Variants in NPTN observed in about 807,000 individuals in gnomAD.
NPTN encodes the protein SDR-1.
In NPTN, 5 loss-of-function variants were observed where a neutral mutation model predicts 42.7. The ratio of observed to expected loss-of-function variants is 0.12; its 90% CI spans 0.06 to 0.25. The LOEUF (loss-of-function observed/expected upper bound fraction) is 0.25, where lower values mean the gene tolerates loss of function less well. Among genes scored for constraint, NPTN ranks in the 10% least tolerant of loss-of-function variants. The pLI is 1.00. For missense variants in NPTN, 307 were observed against 525.4 expected (o/e 0.58, Z 4.06); for synonymous variants, 180 against 201.9 (o/e 0.89, Z 0.92).
At chr15:73,567,200 G>C (rs920516928) in intron 6 of NPTN, 86 of 984,902 alleles carry the variant, frequency 8.7e-5, no homozygotes, top group Non-Finnish European at 1.0e-4. Context: ...AGAACTCACA[G>C]ACTGCCCAAA....
In NPTN at chr15:73,621,099, T is replaced by C. The variant is rs189639890; in HGVS notation, c.91+12026A>G. ...ATTTGCTATAAAAAGTTAACACAGA[T>C]AGACATCTGATTTCACTTTCAGTCA... is the stretch of plus-strand genomic sequence containing the variant. On this transcript the variant is annotated intron_variant, in intron 1 of 8. Transcript: ENST00000345330. 3.9e-5 allele frequency among the ~76,000 whole-genome samples: 6 copies of C among 152,172 alleles called. No individual in the cohort carries two copies. The East Asian group carries it at 5.8e-4, about 15-fold the overall frequency.
chr15:73,585,282 T>C (rs1896262532), intron 4 of NPTN, among the ~76,000 whole-genome samples: 1 of 152,210 alleles, frequency 6.6e-6, no homozygotes, highest in South Asian at 2.1e-4. Context: ...AACCACCTCT[T>C]AACTCTCTAT....
intron 3 of NPTN, among the ~76,000 whole-genome samples, chr15:73,591,410 C>A (rs2087524375): frequency 1.3e-5 from 2 of 152,206 alleles, no homozygotes; most frequent in South Asian, 4.1e-4. Flanking sequence ...CTCTAGCCAG[C>A]AAATATCCTT....
chr15:73,616,407 G>T lies in NPTN; in HGVS notation c.91+16718C>A, dbSNP rs138598475. Among the ~76,000 whole-genome samples, 16 of 152,194 alleles carry T rather than the reference G, an allele frequency of 1.1e-4. No individual in the cohort carries two copies. In the East Asian group the frequency reaches 3.1e-3, roughly 29 times the overall value. On this transcript the variant is annotated intron_variant, in intron 1 of 8. Transcript: ENST00000345330. ...AACAACAAACTTTCTGCAGCTAAAG[G>T]TTGAAAACTCCTAAATCTAATTCTT...
At chr15:73,577,039 T>C in intron 4 of NPTN, among the ~76,000 whole-genome samples, 1 of 152,202 alleles carries the variant, frequency 6.6e-6, no homozygotes, top group East Asian at 1.9e-4. Context: ...TCTTTGTGGG[T>C]TGGAAGTCCC....
chr15:73,580,611 CATGTTAT>C (rs1895990189), intron 4 of NPTN, among the ~76,000 whole-genome samples: 1 of 141,572 alleles, frequency 7.1e-6, no homozygotes, highest in African/African-American at 2.6e-5. Flanking sequence ...TATGTATATA[CATGTTAT>C]ATATGTATAT....
At position 73,597,302 on chromosome 15, in the gene NPTN, G is replaced by A. The variant is rs375394487; in HGVS notation, c.159C>T (p.Asp53=). 33 of 1,613,918 alleles carry A rather than the reference G, an allele frequency of 2.0e-5. No individual in the cohort carries two copies. Among genetic ancestry groups the A allele is most frequent in the East Asian group, 6.7e-5 (3 of 44,866 alleles). ...LTGDAFELYC[D]VVGSPTPEIQ... is the part of the protein sequence containing the mutation. The stretch of plus-strand genomic sequence containing the variant: ...TCTCTGGCGTGGGGCTCCCGACCAC[G>A]TCACAGTACAGCTCAAAGGCGTCCC... The change falls in exon 2 of 9, where the codon GAC becomes GAT. Residue 53 remains aspartate (D), a synonymous_variant. Transcript: ENST00000345330. This position sits in a 1 kb window ranked among gnomAD's most constrained non-coding sequence, Gnocchi z 6.3.
At position 73,569,306 on chromosome 15, in the gene NPTN, C is replaced by T. The variant is rs1335507858; in HGVS notation, c.1114+844G>A. The T allele has an allele frequency of 1.0e-6, 1 of 985,408 alleles. No individual in the cohort carries two copies. The highest frequency in any genetic ancestry group is 1.7e-5 in the African/African-American group (1 of 57,216). The allele number at this position is 985,408 out of a possible 1,614,324, so 61.0% of individuals were successfully genotyped here. ...CCCCTTCACAGGAAAAATCGATCAC[C>T]AAAAATTTCCCAAGGCTTTTCTGAC... On this transcript the variant is annotated intron_variant, in intron 6 of 8. Coordinates refer to ENST00000345330, the MANE Select transcript of NPTN (RefSeq NM_012428.4). The surrounding 1 kb of genome is among the most constrained non-coding windows in gnomAD (Gnocchi z 4.1).
intron 1 of NPTN, among the ~76,000 whole-genome samples, chr15:73,622,454 C>G (rs1425641369): frequency 6.7e-6 from 1 of 150,370 alleles, no homozygotes; most frequent in East Asian, 1.9e-4. Flanking sequence ...GGCAATAATG[C>G]CCTAAATTTT....
At chr15:73,568,915 C>T in intron 6 of NPTN, 2 of 985,532 alleles carry the variant, frequency 2.0e-6, no homozygotes, top group Non-Finnish European at 2.4e-6. Flanking sequence ...TGCTCTCAAA[C>T]ATGTCCTCCC....
intron 3 of NPTN, 146 bp from the exon 4 acceptor site, chr15:73,587,764 T>C: frequency 1.6e-6 from 1 of 622,982 alleles, no homozygotes; most frequent in South Asian, 1.9e-5. Context: ...CAAAAATTCC[T>C]CTCTGTGCAT....
At chr15:73,619,656 A>G (rs1255145072) in intron 1 of NPTN, among the ~76,000 whole-genome samples, 4 of 152,242 alleles carry the variant, frequency 2.6e-5, no homozygotes, top group African/African-American at 9.6e-5. Flanking sequence ...TATAAGCATC[A>G]GGCTTCACAC....
chr15:73,572,165 G>A (rs571070819), intron 5 of NPTN, among the ~76,000 whole-genome samples: 1 of 152,228 alleles, frequency 6.6e-6, no homozygotes, highest in African/African-American at 2.4e-5. Flanking sequence ...CATGAAGTAG[G>A]AAGAATAATG....
intron 1 of NPTN, among the ~76,000 whole-genome samples, chr15:73,599,266 CT>C (rs912075474): frequency 3.2e-4 from 48 of 152,252 alleles, no homozygotes; most frequent in Admixed American, 7.2e-4. Context: ...ATGTCTCGGT[CT>C]CACAAACTAC....
At chr15:73,572,344 GCTCT>G (rs1182018561) in intron 5 of NPTN, among the ~76,000 whole-genome samples, 58 of 152,182 alleles carry the variant, frequency 3.8e-4, no homozygotes, top group African/African-American at 1.4e-3. Flanking sequence ...CGCTTGACAC[GCTCT>G]CTGACAGAAA....
At chr15:73,577,947 A>C (rs1895782464) in intron 4 of NPTN, among the ~76,000 whole-genome samples, 1 of 152,166 alleles carries the variant, frequency 6.6e-6, no homozygotes, top group South Asian at 2.1e-4. Flanking sequence ...AATAGTAATA[A>C]AACTCTGGTC....
chr15:73,587,674 A>C (rs1464643876), intron 3 of NPTN, 56 bp from the exon 4 acceptor site: 1 of 1,268,502 alleles, frequency 7.9e-7, no homozygotes, highest in Non-Finnish European at 1.2e-6. Flanking sequence ...CAAAATATAA[A>C]ACAGAAGGAG....
At chr15:73,629,190 A>AT (rs1898595453) in intron 1 of NPTN, among the ~76,000 whole-genome samples, 1 of 152,218 alleles carries the variant, frequency 6.6e-6, no homozygotes, top group Admixed American at 6.5e-5. Flanking sequence ...GTGCTGCATT[A>AT]TATCAGTAGT....
chr15:73,565,185 G>C (rs190670910), intron 6 of NPTN, among the ~76,000 whole-genome samples: 125 of 152,318 alleles, frequency 8.2e-4, no homozygotes, highest in African/African-American at 2.8e-3. Flanking sequence ...CAAAATCCCA[G>C]GAGCCCTCTT....
Sources: gnomAD v4.1 joint callset for allele counts (sites outside exome capture counted in the v4.1 genomes callset) on GRCh38, gnomAD v4.1.1 for gene constraint, Gnocchi (gnomAD v3.1) non-coding constraint, MANE v1.5 for transcripts, NCBI Gene and HGNC (gene_info 2026-07-23, HGNC 2026-07-21) for gene names.